Variants in ADGRE3 observed in about 807,000 individuals in gnomAD.
ADGRE3 encodes adhesion G protein-coupled receptor E3.
In ADGRE3, 88 loss-of-function variants were observed where a neutral mutation model predicts 80.1. The observed-to-expected ratio is 1.10, with a 90% confidence interval of 0.93 to 1.31. ADGRE3 has a LOEUF of 1.31. Ranked by LOEUF, ADGRE3 falls within the 40% of genes most tolerant of loss-of-function variation. The probability of loss-of-function intolerance (pLI) is 0.00; values close to 1 mark genes in which losing one functional copy is unlikely to be tolerated. For synonymous variants in ADGRE3, 281 were observed against 294.8 expected (o/e 0.95, Z 0.48); for missense variants, 715 against 776.5 (o/e 0.92, Z 0.94).
At chr19:14,613,699 T>C in the ADGRE3 span, among the ~76,000 whole-genome samples, 35 of 152,152 alleles carry the variant, frequency 2.3e-4, no homozygotes, top group Admixed American at 1.3e-3. Flanking sequence ...AAAAAAATTT[T>C]TTTTGAGATG....
intron 6 of ADGRE3, 69 bp from the exon 7 acceptor site, chr19:14,651,273 G>T (rs1244726058): frequency 4.5e-6 from 7 of 1,561,770 alleles, no homozygotes; most frequent in Admixed American, 1.7e-5. Context: ...ATAGGAACAG[G>T]ACATGGTGGT....
the ADGRE3 span, chr19:14,600,325 A>T: frequency 5.1e-5 from 52 of 1,010,252 alleles, no homozygotes; most frequent in East Asian, 8.8e-4. Flanking sequence ...AGCTCTTCCT[A>T]AGGTAGTATC....
At chr19:14,620,558 ATATATATATATTTTTTTTTTTTT>A (rs1970563713) in intron 15 of ADGRE3, among the ~76,000 whole-genome samples, 1 of 23,584 alleles carries the variant, frequency 4.2e-5, no homozygotes, top group Non-Finnish European at 7.5e-5. Context: ...TTATATATAT[ATATATATATATTTTTTTTTTTTT>A]TTTTTTTTTT....
intron 1 of ADGRE3, among the ~76,000 whole-genome samples, chr19:14,671,468 G>A (rs1459595000): frequency 6.6e-6 from 1 of 152,022 alleles, no homozygotes; most frequent in Non-Finnish European, 1.5e-5. Context: ...GGACCTTTGT[G>A]ATTATTATAT....
At chr19:14,641,650 T>G (rs774010639) in intron 9 of ADGRE3, 34 bp from the exon 10 acceptor site, 1 of 1,607,538 alleles carries the variant, frequency 6.2e-7, no homozygotes, top group South Asian at 1.1e-5. Flanking sequence ...CAGTGATGCT[T>G]TCCTGCACTG....
chr19:14,636,058 T>TTCCC (rs1555755762), intron 11 of ADGRE3, among the ~76,000 whole-genome samples: 7 of 22,454 alleles, frequency 3.1e-4, no homozygotes, highest in African/African-American at 8.2e-4. Flanking sequence ...CCTTCCTTCC[T>TTCCC]TCCTTTCCTT....
Position 14,633,297 on chromosome 19 carries a change from C to T in ADGRE3, c.1490G>A (p.Trp497Ter). The T allele has an allele frequency of 1.9e-6, 3 of 1,611,266 alleles. No homozygotes were observed. Among genetic ancestry groups the T allele is most frequent in the Non-Finnish European group, 2.5e-6 (3 of 1,178,358 alleles). ...CATGAATCCCTGGTCCAGGTGGAGC[C>T]AGCATCTAGGAACAGTGGGAAAAGA... ...PHLYGTADRC[W>*]LHLDQGFMWS... Residue 497 changes from tryptophan (W) to a stop codon, truncating the protein, a stop_gained, in exon 12 of 16, where the codon TGG (tryptophan) becomes TAG (stop). Transcript: ENST00000253673. LOFTEE classifies it high-confidence loss of function.
Position 14,625,526 on chromosome 19 carries a change from G to T in ADGRE3, c.1886C>A (p.Ser629Tyr). 1 of 1,613,584 alleles carries T rather than the reference G, an allele frequency of 6.2e-7. No individual in the cohort carries two copies. The highest frequency in any genetic ancestry group is 8.5e-7 in the Non-Finnish European group (1 of 1,179,532). ...TTTTGAGTCAGGACCCATCTTGCTG[G>T]AAAGTGTGTATGTCTCAGACTCAGA... ...SKSESETYTL[S>Y]SKMGPDSKPS... The change falls in exon 15 of 16, where the codon TCC becomes TAC. Residue 629 changes from serine to tyrosine, a missense_variant. Coordinates refer to ENST00000253673, the MANE Select transcript of ADGRE3 (RefSeq NM_032571.5).
At position 14,655,134 on chromosome 19, in the gene ADGRE3, A is replaced by G. The variant is rs1481463456; in HGVS notation, c.425T>C (p.Leu142Pro). ...LQKIVDKFESLLTNQTLWRTE... is the reference protein window; with the variant it reads ...LQKIVDKFESPLTNQTLWRTE... ...TCTCCATAAAGTCTGATTGGTGAGA[A>G]GTGACTCAAATTTGTCCACAATCTT... Residue 142 changes from leucine (L) to proline (P), a missense_variant, in exon 6 of 16, where the codon CTT (leucine) becomes CCT (proline). Transcript: ENST00000253673. 1 of 1,611,280 alleles carries G rather than the reference A, an allele frequency of 6.2e-7. No homozygotes were observed. Among genetic ancestry groups the G allele is most frequent in the Admixed American group, 1.7e-5 (1 of 59,144 alleles).
chr19:14,630,071 T>C lies in ADGRE3; in HGVS notation c.1780A>G (p.Ile594Val). 1 of 1,610,296 alleles carries C rather than the reference T, an allele frequency of 6.2e-7. No homozygotes were observed. Among genetic ancestry groups the C allele is most frequent in the Non-Finnish European group, 8.5e-7 (1 of 1,177,624 alleles). ...TIINSLQGFFIFLVYCLLSQQ... is the reference protein window; with the variant it reads ...TIINSLQGFFVFLVYCLLSQQ... ...CTGAGGAGGCAGTAGACCAAGAAGA[T>C]GAAGAAGCCTTGGAGGCTGTTGATG... The change falls in exon 14 of 16, where the codon ATC becomes GTC. Residue 594 changes from isoleucine (I) to valine (V), a missense_variant. By Grantham distance (29) the Ile-to-Val change is conservative (BLOSUM62 3). Transcript: ENST00000253673.
downstream of ADGRE3, among the ~76,000 whole-genome samples, chr19:14,617,191 C>A (rs2075079542): frequency 6.6e-6 from 1 of 151,702 alleles, no homozygotes; most frequent in African/African-American, 2.4e-5. Context: ...ATAGAAGGGG[C>A]CTGAACATGT....
chr19:14,661,518 C>T (rs573791941), intron 4 of ADGRE3, among the ~76,000 whole-genome samples: 1 of 152,292 alleles, frequency 6.6e-6, no homozygotes, highest in African/African-American at 2.4e-5. Flanking sequence ...TCTCAATCAC[C>T]ACCTTGTCAC....
the ADGRE3 span, chr19:14,600,271 C>A: frequency 6.8e-7 from 1 of 1,466,572 alleles, no homozygotes; most frequent in Non-Finnish European, 9.3e-7. Flanking sequence ...CCCTGGATGG[C>A]AAGAAATTAG....
chr19:14,641,693 C>A, intron 9 of ADGRE3, 77 bp from the exon 10 acceptor site: 1 of 1,550,178 alleles, frequency 6.5e-7, no homozygotes, highest in South Asian at 1.2e-5. Flanking sequence ...CTGGGGCATC[C>A]TAGACACAGG....
intron 10 of ADGRE3, 132 bp downstream of exon 10, chr19:14,641,287 G>T: frequency 6.4e-6 from 7 of 1,088,998 alleles, no homozygotes; most frequent in Non-Finnish European, 9.4e-6. Context: ...ATCTCAGAAG[G>T]GTAGCGGGAA....
chr19:14,656,962 C>T (rs971932127), intron 5 of ADGRE3, among the ~76,000 whole-genome samples: 1 of 152,166 alleles, frequency 6.6e-6, no homozygotes, highest in African/African-American at 2.4e-5. Flanking sequence ...GTGACGTGAT[C>T]TCAGCTCACT....
At chr19:14,668,748 C>T in intron 2 of ADGRE3, 54 bp downstream of exon 2, 1 of 1,523,842 alleles carries the variant, frequency 6.6e-7, no homozygotes, top group Non-Finnish European at 9.1e-7. Flanking sequence ...CCATGAGTGG[C>T]TCCAGGTCCA....
chr19:14,617,393 T>TC (rs1555752306), downstream of ADGRE3, among the ~76,000 whole-genome samples: 1 of 141,724 alleles, frequency 7.1e-6, no homozygotes, highest in Non-Finnish European at 1.5e-5. Flanking sequence ...TTTCTTTCTT[T>TC]CTTTCTTTTC....
At chr19:14,616,288 C>A (rs1256119151), downstream of ADGRE3, among the ~76,000 whole-genome samples, 1 of 152,074 alleles carries the variant, frequency 6.6e-6, no homozygotes, top group Non-Finnish European at 1.5e-5. Context: ...TTTCTTCACA[C>A]CCCGTTGGTG....
Sources: allele counts gnomAD v4.1 joint callset (sites outside exome capture counted in the v4.1 genomes callset), GRCh38; gene constraint gnomAD v4.1.1; transcripts MANE v1.5; gene names NCBI Gene and HGNC (gene_info 2026-07-23, HGNC 2026-07-21).